Variants in MTNR1A observed in about 807,000 individuals in gnomAD.
The protein encoded by MTNR1A is melatonin receptor type 1A.
MTNR1A carries 7 observed loss-of-function variants against 5.5 expected under a neutral mutation model. The ratio of observed to expected loss-of-function variants is 1.28; its 90% CI spans 0.73 to 2.40. MTNR1A has a LOEUF of 2.40. Ranked by LOEUF, MTNR1A falls within the 30% of genes most tolerant of loss-of-function variation. The pLI is 0.00. For synonymous variants in MTNR1A, 196 were observed against 202.7 expected (o/e 0.97, Z 0.28); for missense variants, 441 against 464.4 (o/e 0.95, Z 0.46).
At position 186,534,085 on chromosome 4, in the gene MTNR1A, C is replaced by T. The variant is rs775185938; in HGVS notation, c.657G>A (p.Gln219=). 6.2e-7 allele frequency: 1 copy of T among 1,614,176 alleles called. No homozygotes were observed. The highest frequency in any genetic ancestry group is 8.5e-7 in the Non-Finnish European group (1 of 1,180,052). ...RIWILVLQVR[Q]RVKPDRKPKL... is the part of the protein sequence containing the mutation. ...TGGGTTTGCGGTCAGGTTTCACCCTCTGTCTGACCTGGAGAACCAGGATCC... is the reference window on the plus strand; with the variant it reads ...TGGGTTTGCGGTCAGGTTTCACCCTTTGTCTGACCTGGAGAACCAGGATCC... Residue 219 remains glutamine (Q), a synonymous_variant, in exon 2 of 2, where the codon CAG becomes CAA. Transcript: ENST00000307161.
chr4:186,536,055 C>T (rs1383027787), intron 1 of MTNR1A, among the ~76,000 whole-genome samples: 1 of 152,116 alleles, frequency 6.6e-6, no homozygotes, highest in African/African-American at 2.4e-5. Context: ...AAAAAGATTA[C>T]ACTAGAGTGG....
chr4:186,537,910 C>T (rs1055525976), intron 1 of MTNR1A, among the ~76,000 whole-genome samples: 10 of 152,296 alleles, frequency 6.6e-5, no homozygotes, highest in African/African-American at 1.9e-4. Context: ...GGCAACAAGA[C>T]GAACAGCGAT....
Position 186,555,004 on chromosome 4 carries a change from C to T in MTNR1A, c.184+178G>A, listed in dbSNP as rs368549738. 3.8e-4 allele frequency among the ~76,000 whole-genome samples: 58 copies of T among 152,298 alleles called. No individual in the cohort carries two copies. The South Asian group carries it at 0.011, about 30-fold the overall frequency. Reference sequence around the variant, plus strand: ...CCACCTCTTAGGGGCTGTGACTCCGCGCCTTATGAAAAGGCACTTTCAACG... The same window carrying T: ...CCACCTCTTAGGGGCTGTGACTCCGTGCCTTATGAAAAGGCACTTTCAACG... On this transcript the variant is annotated intron_variant, in intron 1 of 1. Transcript: ENST00000307161. The surrounding 1 kb of genome is among the most constrained non-coding windows in gnomAD (Gnocchi z 4.1).
At position 186,534,187 on chromosome 4, in the gene MTNR1A, G is replaced by A. The variant is rs775518993; in HGVS notation, c.555C>T (p.Ser185=). 4.3e-6 allele frequency: 7 copies of A among 1,613,524 alleles called. No homozygotes were observed. In the East Asian group the frequency reaches 8.9e-5, roughly 21 times the overall value. ...AAACCACCACGGCGATGGTGTAGGC[G>A]GAGCTGACGGACTGGGCGAAGGTGC... ...YSCTFAQSVS[S]AYTIAVVVFH... is the part of the protein sequence containing the mutation. Residue 185 remains serine (S), a synonymous_variant, in exon 2 of 2, where the codon TCC becomes TCT. Transcript: ENST00000307161.
rs766690045 is a variant in MTNR1A at position 186,534,337 on chromosome 4, G to A, written c.405C>T (p.Tyr135=). 3.1e-6 allele frequency: 5 copies of A among 1,614,130 alleles called. No individual in the cohort carries two copies. The highest frequency in any genetic ancestry group is 3.4e-6 in the Non-Finnish European group (4 of 1,180,012). The change falls in exon 2 of 2, where the codon TAC becomes TAT. Residue 135 remains tyrosine (Y), a synonymous_variant. Transcript: ENST00000307161. The part of the protein sequence containing the change: ...RYCYICHSLK[Y]DKLYSSKNSL... ...AGTTCTTGCTGCTGTACAGTTTGTC[G>A]TACTTGAGACTGTGGCAGATGTAGC... is the stretch of plus-strand genomic sequence containing the variant.
In MTNR1A at chr4:186,555,143, T is replaced by C; in HGVS notation, c.184+39A>G. ...TGGCTGCCCGCGGAGAGGCGCTGCG[T>C]CCGGAGCGCTGGCCCAGGGGAGGCG... On this transcript the variant is annotated intron_variant, in intron 1 of 1. Transcript: ENST00000307161. This position sits in a 1 kb window ranked among gnomAD's most constrained non-coding sequence, Gnocchi z 4.1. 1 of 1,566,060 alleles carries C rather than the reference T, an allele frequency of 6.4e-7. No individual in the cohort carries two copies.
chr4:186,542,352 G>T (rs534719960), intron 1 of MTNR1A, among the ~76,000 whole-genome samples: 1 of 152,114 alleles, frequency 6.6e-6, no homozygotes, highest in Non-Finnish European at 1.5e-5. Context: ...TAACACCCAC[G>T]GACGTACAGG....
In MTNR1A at chr4:186,534,278, G is replaced by C; in HGVS notation, c.464C>G (p.Thr155Arg). 1.2e-6 allele frequency: 2 copies of C among 1,614,188 alleles called. No individual in the cohort carries two copies. The highest frequency in any genetic ancestry group is 2.2e-5 in the South Asian group (2 of 91,084). Reference sequence around the variant, plus strand: ...GAGGTTGGGCAGGACGGCCGCCAGCGTCAGGAGCCATATGAGGAGCACGTA... The same window carrying C: ...GAGGTTGGGCAGGACGGCCGCCAGCCTCAGGAGCCATATGAGGAGCACGTA... Reference protein sequence around the residue: ...LCYVLLIWLLTLAAVLPNLRA... With the variant: ...LCYVLLIWLLRLAAVLPNLRA... Residue 155 changes from threonine to arginine, a missense_variant, in exon 2 of 2, where the codon ACG becomes AGG. Physicochemically the swap from Thr to Arg is moderately conservative, Grantham distance 71 (BLOSUM62 -1). Transcript: ENST00000307161.
intron 1 of MTNR1A, among the ~76,000 whole-genome samples, chr4:186,538,716 T>C (rs921714109): frequency 1.3e-5 from 2 of 152,208 alleles, no homozygotes; most frequent in East Asian, 1.9e-4. Flanking sequence ...TCTAGCAATT[T>C]TACTTCTTGG....
intron 1 of MTNR1A, among the ~76,000 whole-genome samples, 162 bp from the exon 2 acceptor site, chr4:186,534,719 C>T (rs1044363758): frequency 6.6e-6 from 1 of 152,162 alleles, no homozygotes; most frequent in Non-Finnish European, 1.5e-5. Flanking sequence ...GAGGGCCAGT[C>T]CACTGCCGCT....
Position 186,533,911 on chromosome 4 carries a change from A to C in MTNR1A, c.831T>G (p.Phe277Leu), listed in dbSNP as rs149620875. ...AATACGCCATGTAGTAACTGGCCAC[A>C]AACAGCCACTCTGGGATCCTAGGCA... ...SMVPRIPEWL[F>L]VASYYMAYFN... Residue 277 changes from phenylalanine (F) to leucine (L), a missense_variant, in exon 2 of 2, where the codon TTT becomes TTG. Transcript: ENST00000307161. 5.0e-6 allele frequency: 8 copies of C among 1,614,192 alleles called. No individual in the cohort carries two copies. The African/African-American group carries it at 6.7e-5, about 13-fold the overall frequency.
intron 1 of MTNR1A, among the ~76,000 whole-genome samples, chr4:186,536,505 G>A (rs990814653): frequency 1.3e-5 from 2 of 152,148 alleles, no homozygotes; most frequent in African/African-American, 2.4e-5. Context: ...CTATTCTATT[G>A]ACCTGTAGGC....
intron 1 of MTNR1A, among the ~76,000 whole-genome samples, chr4:186,547,136 C>G (rs113244499): frequency 4.0e-4 from 13 of 32,462 alleles, no homozygotes; most frequent in African/African-American, 4.7e-4. Flanking sequence ...CACCCTGTTC[C>G]TGGGACACAC....
Position 186,555,197 on chromosome 4 carries a change from T to A in MTNR1A, c.169A>T (p.Lys57Ter), listed in dbSNP as rs750194975. ...LVILSVYRNK[K>*]LRNAGNIFVV... ...CGGGCCCTACCTGCGTTCCTGAGCTTCTTGTTCCGATACACCGACAGGATG... is the reference window on the plus strand; with the variant it reads ...CGGGCCCTACCTGCGTTCCTGAGCTACTTGTTCCGATACACCGACAGGATG... Residue 57 changes from lysine to a stop codon, truncating the protein, a stop_gained, in exon 1 of 2, where the codon AAG (lysine) becomes TAG (stop). Coordinates refer to ENST00000307161, the MANE Select transcript of MTNR1A (RefSeq NM_005958.4). LOFTEE classifies it low-confidence loss of function (END_TRUNC). This position sits in a 1 kb window ranked among gnomAD's most constrained non-coding sequence, Gnocchi z 4.1. The A allele has an allele frequency of 6.3e-6, 10 of 1,594,796 alleles. No individual in the cohort carries two copies. Among genetic ancestry groups the A allele is most frequent in the Non-Finnish European group, 7.7e-6 (9 of 1,171,346 alleles).
Position 186,534,385 on chromosome 4 carries a change from G to T in MTNR1A, c.357C>A (p.Thr119=), listed in dbSNP as rs765762273. The T allele has an allele frequency of 1.4e-5, 23 of 1,613,998 alleles. No individual in the cohort carries two copies. Among genetic ancestry groups the T allele is most frequent in the Non-Finnish European group, 1.9e-5 (23 of 1,180,032 alleles). ...LSVIGSIFNI[T]GIAINRYCYI... is the part of the protein sequence containing the mutation. ...AGCAGTAGCGGTTGATGGCGATGCC[G>T]GTGATGTTGAATATGGAGCCGATGA... The change falls in exon 2 of 2, where the codon ACC becomes ACA. Residue 119 remains threonine, a synonymous_variant. Coordinates refer to ENST00000307161, the MANE Select transcript of MTNR1A (RefSeq NM_005958.4).
At chr4:186,548,631 G>A (rs1737203798) in intron 1 of MTNR1A, among the ~76,000 whole-genome samples, 1 of 151,508 alleles carries the variant, frequency 6.6e-6, no homozygotes, top group Non-Finnish European at 1.5e-5. Context: ...AAATTAACAA[G>A]TGAGGAAACT....
At position 186,533,732 on chromosome 4, in the gene MTNR1A, G is replaced by A. The variant is rs756260460; in HGVS notation, c.1010C>T (p.Pro337Leu). The change falls in exon 2 of 2, where the codon CCA (proline) becomes CTA (leucine). Residue 337 changes from proline (P) to leucine (L), a missense_variant. Transcript: ENST00000307161. ...VADRVKWKPSPLMTNNNVVKV... is the reference protein window; with the variant it reads ...VADRVKWKPSLLMTNNNVVKV... ...TACTACATTATTGTTGGTCATCAGT[G>A]GAGACGGTTTCCATTTAACCCTATC... is the stretch of plus-strand genomic sequence containing the variant. 2.4e-5 allele frequency: 39 copies of A among 1,614,034 alleles called. No individual in the cohort carries two copies. Among genetic ancestry groups the A allele is most frequent in the Admixed American group, 5.0e-5 (3 of 60,004 alleles).
intron 1 of MTNR1A, among the ~76,000 whole-genome samples, chr4:186,541,279 A>T (rs1388906134): frequency 6.6e-6 from 1 of 152,168 alleles, no homozygotes; most frequent in Non-Finnish European, 1.5e-5. Context: ...AGGAAACAGA[A>T]CTTTGAGCAA....
chr4:186,534,077 TTCACCC>T lies in MTNR1A; in HGVS notation c.659_664del (p.Arg220_Val221del). ...TTTCAGTTTGGGTTTGCGGTCAGGT[TTCACCC>T]TCTGTCTGACCTGGAGAACCAGGAT... On this transcript the variant is annotated inframe_deletion, in exon 2 of 2. Coordinates refer to ENST00000307161, the MANE Select transcript of MTNR1A (RefSeq NM_005958.4). The T allele has an allele frequency of 1.2e-6, 2 of 1,614,122 alleles. No individual in the cohort carries two copies. Among genetic ancestry groups the T allele is most frequent in the Non-Finnish European group, 1.7e-6 (2 of 1,180,042 alleles).
Sources: allele counts gnomAD v4.1 joint callset (sites outside exome capture counted in the v4.1 genomes callset), GRCh38; gene constraint gnomAD v4.1.1; non-coding constraint Gnocchi (gnomAD v3.1); transcripts MANE v1.5; gene names NCBI Gene and HGNC (gene_info 2026-07-23, HGNC 2026-07-21).